Variants in NTRK3 observed in about 807,000 individuals in gnomAD.
NTRK3 encodes neurotrophic receptor tyrosine kinase 3, also known as NT-3 growth factor receptor.
A neutral mutation model predicts 91.7 loss-of-function variants in NTRK3; 24 were observed. The observed-to-expected ratio is 0.26, with a 90% CI of 0.19 to 0.37. NTRK3 has a LOEUF of 0.37. Ranked by LOEUF, NTRK3 falls within the 10% of genes least tolerant of loss-of-function variation. NTRK3 has a pLI of 1.00. For synonymous variants in NTRK3, 483 were observed against 404.0 expected (o/e 1.20, Z -2.34); for missense variants, 880 against 1,068.9 (o/e 0.82, Z 2.46).
chr15:87,907,221 A>T (rs1453265088), intron 17 of NTRK3, among the ~76,000 whole-genome samples: 1 of 152,198 alleles, frequency 6.6e-6, no homozygotes, highest in Non-Finnish European at 1.5e-5. Flanking sequence ...AATACATACA[A>T]TATTTTAAAA....
intron 14 of NTRK3, among the ~76,000 whole-genome samples, chr15:88,028,302 C>T (rs2078218887): frequency 6.6e-6 from 1 of 152,056 alleles, no homozygotes; most frequent in South Asian, 2.1e-4. Context: ...CCAGTGTTTC[C>T]AGTGCCTAAA....
intron 13 of NTRK3, among the ~76,000 whole-genome samples, chr15:88,116,816 G>C (rs1008903451): frequency 6.6e-6 from 1 of 152,202 alleles, no homozygotes; most frequent in Admixed American, 6.5e-5. Flanking sequence ...ATAGGATGGT[G>C]GTTCCTAAAC....
chr15:87,865,852 C>T (rs1489166699), exon 19 of NTRK3: 2 of 228,060 alleles, frequency 8.8e-6, no homozygotes, highest in Non-Finnish European at 1.7e-5. Flanking sequence ...TTTTTTAGAG[C>T]ATTCTCCATC....
In NTRK3 at chr15:87,914,635, C is replaced by T. The variant is rs1377050112; in HGVS notation, c.2133+14556G>A. On this transcript the variant is annotated intron_variant, in intron 17 of 18. Coordinates refer to ENST00000394480, the Ensembl canonical transcript of NTRK3. ...TCCTTTGCCTTCAAGGGAACTTATG[C>T]TTTATTGAGGTATGGAACAAACATG... Among the ~76,000 whole-genome samples the T allele has an allele frequency of 2.6e-5, 4 of 152,138 alleles. No individual in the cohort carries two copies. In the South Asian group the frequency reaches 8.3e-4, roughly 32 times the overall value.
chr15:87,944,879 C>T (rs898704906), intron 14 of NTRK3, among the ~76,000 whole-genome samples: 2 of 152,220 alleles, frequency 1.3e-5, no homozygotes, highest in African/African-American at 2.4e-5. Flanking sequence ...CTGACGTCCA[C>T]GCGTCTATTT....
intron 6 of NTRK3, among the ~76,000 whole-genome samples, chr15:88,139,186 T>C (rs981010641): frequency 6.6e-6 from 1 of 152,238 alleles, no homozygotes; most frequent in Admixed American, 6.5e-5. Context: ...CCTTCTCTAC[T>C]GATTTTCCTT....
intron 13 of NTRK3, 35 bp downstream of exon 13, chr15:88,126,236 C>T (rs894727212): frequency 7.0e-7 from 1 of 1,429,028 alleles, no homozygotes; most frequent in East Asian, 2.3e-5. Flanking sequence ...ATGTTTCCCC[C>T]CATGACGCCC....
intron 17 of NTRK3, among the ~76,000 whole-genome samples, chr15:87,890,506 C>T (rs1300625807): frequency 6.6e-6 from 1 of 151,746 alleles, no homozygotes; most frequent in African/African-American, 2.4e-5. Context: ...CCCATAGCAT[C>T]CTCCAGAGGT....
intron 13 of NTRK3, among the ~76,000 whole-genome samples, chr15:88,074,047 C>T (rs901129177): frequency 1.3e-5 from 2 of 152,150 alleles, no homozygotes; most frequent in East Asian, 1.9e-4. Context: ...TCTGTCTCTC[C>T]GGAATATGCA....
chr15:88,106,485 G>A (rs894144062), intron 13 of NTRK3, among the ~76,000 whole-genome samples: 12 of 152,208 alleles, frequency 7.9e-5, no homozygotes, highest in African/African-American at 2.7e-4. Flanking sequence ...ATGTAAGAAA[G>A]GAAAATGAGC....
At chr15:87,961,840 A>G (rs1213269467) in intron 14 of NTRK3, among the ~76,000 whole-genome samples, 1 of 152,254 alleles carries the variant, frequency 6.6e-6, no homozygotes, top group Non-Finnish European at 1.5e-5. Context: ...CATTGCAAGG[A>G]AAGCAATGAG....
chr15:88,193,133 C>G (rs932119131), intron 3 of NTRK3, among the ~76,000 whole-genome samples: 3 of 152,132 alleles, frequency 2.0e-5, no homozygotes, highest in Non-Finnish European at 2.9e-5. Context: ...TATGTAGCCA[C>G]CCAGCTGCCC....
At chr15:88,029,633 C>G (rs1324811627) in intron 14 of NTRK3, among the ~76,000 whole-genome samples, 2 of 152,214 alleles carry the variant, frequency 1.3e-5, no homozygotes, top group Non-Finnish European at 2.9e-5. Flanking sequence ...AGGAGACCCC[C>G]TGGGGGATTC....
intron 3 of NTRK3, 138 bp from the exon 4 acceptor site, chr15:88,184,437 G>A (rs1597824385): frequency 1.2e-6 from 1 of 837,914 alleles, no homozygotes; most frequent in Non-Finnish European, 2.0e-6. Context: ...AAATAAATCT[G>A]AGCCTCAGTT....
chr15:88,097,201 A>G (rs1390942917), intron 13 of NTRK3, among the ~76,000 whole-genome samples: 1 of 152,244 alleles, frequency 6.6e-6, no homozygotes, highest in African/African-American at 2.4e-5. Context: ...CATGTCTACT[A>G]GAAAATTTAA....
intron 14 of NTRK3, among the ~76,000 whole-genome samples, 164 bp downstream of exon 14, chr15:88,032,693 C>G (rs546630897): frequency 6.6e-5 from 10 of 152,168 alleles, no homozygotes; most frequent in South Asian, 6.2e-4. Context: ...ACTCCTGGCT[C>G]AGGCTATTCT....
At chr15:88,000,445 A>T (rs764850796) in intron 14 of NTRK3, among the ~76,000 whole-genome samples, 51 of 152,190 alleles carry the variant, frequency 3.4e-4, no homozygotes, top group Non-Finnish European at 5.9e-5. Context: ...TCACCCTTTA[A>T]AACTATACCA....
intron 13 of NTRK3, among the ~76,000 whole-genome samples, chr15:88,068,152 C>T (rs774132565): frequency 3.3e-5 from 5 of 152,144 alleles, no homozygotes; most frequent in Non-Finnish European, 5.9e-5. Flanking sequence ...AGGTTTATGG[C>T]CAGGTGCAGT....
intron 13 of NTRK3, among the ~76,000 whole-genome samples, chr15:88,116,221 T>C (rs1472863250): frequency 6.6e-6 from 1 of 152,116 alleles, no homozygotes; most frequent in African/African-American, 2.4e-5. Flanking sequence ...GAAGCCACTA[T>C]AGAAACAGTT....
Sources: allele counts gnomAD v4.1 joint callset (sites outside exome capture counted in the v4.1 genomes callset), GRCh38; gene constraint gnomAD v4.1.1; transcripts MANE v1.5; gene names NCBI Gene and HGNC (gene_info 2026-07-23, HGNC 2026-07-21).